Variants in TIMD4 observed in about 807,000 individuals in gnomAD.
TIMD4 encodes the protein T-cell immunoglobulin and mucin domain-containing protein 4.
In TIMD4, 31 loss-of-function variants were observed where a neutral mutation model predicts 41.2. The observed-to-expected ratio is 0.75, with a 90% CI of 0.57 to 1.01. The LOEUF is 1.01. TIMD4 is among the 50% of genes least tolerant of loss of function. TIMD4 has a pLI of 0.00. For synonymous variants in TIMD4, 204 were observed against 177.1 expected, an observed-to-expected ratio of 1.15 and a Z score of -1.21; for missense variants, 479 against 472.5, an observed-to-expected ratio of 1.01 and a Z score of -0.13.
At position 156,954,732 on chromosome 5, in the gene TIMD4, A is replaced by G. The variant is rs773584689; in HGVS notation, c.83T>C (p.Val28Ala). Residue 28 changes from valine to alanine, a missense_variant, in exon 2 of 9, where the codon GTG becomes GCG. Transcript: ENST00000274532. The part of the protein sequence containing the change: ...YLTPVTSETV[V>A]TEVLGHRVTL... ...CACCCGGTGACCCAAAACCTCCGTC[A>G]CAACAGTCTCTGAAGTGACTGGTGC... The G allele has an allele frequency of 3.1e-6, 5 of 1,613,038 alleles. No homozygotes were observed. The highest frequency in any genetic ancestry group is 4.2e-6 in the Non-Finnish European group (5 of 1,179,250).
intron 2 of TIMD4, among the ~76,000 whole-genome samples, chr5:156,952,528 C>G (rs867610063): frequency 6.6e-6 from 1 of 152,106 alleles, no homozygotes; most frequent in African/African-American, 2.4e-5. Flanking sequence ...GCAACCTTCC[C>G]GCTGCACGAA....
At chr5:156,938,062 C>A (rs1007044594) in intron 5 of TIMD4, among the ~76,000 whole-genome samples, 2 of 152,178 alleles carry the variant, frequency 1.3e-5, no homozygotes, top group Admixed American at 6.5e-5. Context: ...CTTTTCCATG[C>A]CCTTGATCAG....
At chr5:156,959,134 T>C (rs909933127) in intron 1 of TIMD4, among the ~76,000 whole-genome samples, 1 of 152,192 alleles carries the variant, frequency 6.6e-6, no homozygotes, top group Non-Finnish European at 1.5e-5. Flanking sequence ...TTTGGCTTTA[T>C]AACATTTTAA....
intron 1 of TIMD4, among the ~76,000 whole-genome samples, chr5:156,959,759 G>T (rs1760044053): frequency 6.6e-6 from 1 of 152,156 alleles, no homozygotes; most frequent in Non-Finnish European, 1.5e-5. Flanking sequence ...GCACATATAG[G>T]CCGGGTGTGG....
chr5:156,931,492 A>G (rs1285447253), intron 5 of TIMD4, among the ~76,000 whole-genome samples: 3 of 152,238 alleles, frequency 2.0e-5, no homozygotes, highest in Non-Finnish European at 4.4e-5. Context: ...TAACAAAACA[A>G]TCTTAACATT....
At chr5:156,939,316 T>C (rs1581620094) in intron 5 of TIMD4, among the ~76,000 whole-genome samples, 2 of 152,164 alleles carry the variant, frequency 1.3e-5, no homozygotes, top group South Asian at 4.1e-4. Flanking sequence ...AATGAGACAA[T>C]GCACTAGACA....
intron 5 of TIMD4, among the ~76,000 whole-genome samples, chr5:156,940,324 C>T (rs112043644): frequency 0.038 from 5,768 of 152,310 alleles, 364 homozygotes; most frequent in African/African-American, 0.13. Flanking sequence ...ACCTCCCAGC[C>T]GCCTGCCTTG....
intron 5 of TIMD4, among the ~76,000 whole-genome samples, chr5:156,942,633 G>T (rs978886479): frequency 4.6e-5 from 7 of 152,170 alleles, no homozygotes; most frequent in African/African-American, 1.7e-4. Context: ...ACTAAGTAGG[G>T]CTTCTTTGGT....
chr5:156,923,426 G>T lies in TIMD4; in HGVS notation c.895-1210C>A, dbSNP rs563841457. Among the ~76,000 whole-genome samples, 7 of 151,754 alleles carry T rather than the reference G, an allele frequency of 4.6e-5. No homozygotes were observed. In the South Asian group the frequency reaches 1.5e-3, roughly 32 times the overall value. The stretch of plus-strand genomic sequence containing the variant: ...AGCCTCCCAAAGTGCTGGGATTATA[G>T]GCATGAGCCACTGCACCCGGCCTAA... On this transcript the variant is annotated intron_variant, in intron 6 of 8. Transcript: ENST00000274532.
chr5:156,961,860 TG>T (rs1753068888), intron 1 of TIMD4, among the ~76,000 whole-genome samples: 3 of 102,914 alleles, frequency 2.9e-5, no homozygotes, highest in African/African-American at 1.0e-4. Context: ...AAAGAAAATG[TG>T]GTATATAAAC....
intron 4 of TIMD4, among the ~76,000 whole-genome samples, chr5:156,949,403 T>A (rs1345538304): frequency 6.8e-6 from 1 of 146,636 alleles, no homozygotes; most frequent in Non-Finnish European, 1.5e-5. Flanking sequence ...AGAAGGGTCT[T>A]CCTTTTCCCT....
chr5:156,926,138 A>C, intron 6 of TIMD4, 125 bp downstream of exon 6: 2 of 901,686 alleles, frequency 2.2e-6, no homozygotes, highest in East Asian at 3.0e-5. Flanking sequence ...TTCTGGCATC[A>C]AGTGATCTGC....
chr5:156,942,913 G>A (rs563104564), intron 5 of TIMD4, among the ~76,000 whole-genome samples: 1 of 152,276 alleles, frequency 6.6e-6, no homozygotes, highest in South Asian at 2.1e-4. Flanking sequence ...ATAATTGAGA[G>A]TTCTACATAG....
rs1378753359 is a variant in TIMD4, at chr5:156,951,192, T to C, written c.679+320A>G. Among the ~76,000 whole-genome samples the C allele has an allele frequency of 2.0e-5, 3 of 152,090 alleles. No individual in the cohort carries two copies. The East Asian group carries it at 5.8e-4, about 29-fold the overall frequency. On this transcript the variant is annotated intron_variant, in intron 3 of 8. Transcript: ENST00000274532. The stretch of plus-strand genomic sequence containing the variant: ...TCAATGGACCCTAATCCAATACAAC[T>C]GGTATTCTTACAAGAGATTAGGACA...
intron 4 of TIMD4, among the ~76,000 whole-genome samples, 184 bp from the exon 5 acceptor site, chr5:156,948,683 G>A (rs1373542361): frequency 1.3e-5 from 2 of 152,208 alleles, no homozygotes; most frequent in Non-Finnish European, 2.9e-5. Flanking sequence ...TTAGAAAGGT[G>A]TAAACACAGG....
intron 8 of TIMD4, among the ~76,000 whole-genome samples, chr5:156,920,093 A>C (rs1759205683): frequency 6.6e-6 from 1 of 152,208 alleles, no homozygotes; most frequent in Admixed American, 6.5e-5. Flanking sequence ...AATATTCTAC[A>C]TGCTTTTTTC....
chr5:156,921,644 A>AAAG (rs1561542989), intron 7 of TIMD4, among the ~76,000 whole-genome samples: 64 of 139,848 alleles, frequency 4.6e-4, no homozygotes, highest in African/African-American at 1.6e-3. Flanking sequence ...AAAAAAAAAA[A>AAAG]AAGAAGAAGA....
chr5:156,944,495 CTT>C (rs5872492), intron 5 of TIMD4, among the ~76,000 whole-genome samples: 913 of 69,152 alleles, frequency 0.013, 10 homozygotes, highest in African/African-American at 0.046. Context: ...GCTGTGTGAT[CTT>C]TTTTTTTTTT....
Position 156,957,512 on chromosome 5 carries a change from C to CAA in TIMD4, c.59-2758_59-2757dup, listed in dbSNP as rs3068101. 1.1e-3 allele frequency among the ~76,000 whole-genome samples: 123 copies of CAA among 113,852 alleles called. 4 individuals are homozygous for CAA. The South Asian group carries it at 0.013, about 12-fold the overall frequency. The allele number at this position is 113,852 out of a possible 152,430, so 74.7% of individuals were successfully genotyped here. A position where few individuals can be genotyped will look rare whatever the true frequency, so the allele number is the denominator to read the frequency against. On this transcript the variant is annotated intron_variant, in intron 1 of 8. Transcript: ENST00000274532. ...TGGGTGACAGAGCGAGAGTCTATCT[C>CAA]AAAAAAAAAAAAGAAAAAAGAAAAA...
Sources: allele counts gnomAD v4.1 joint callset (sites outside exome capture counted in the v4.1 genomes callset), GRCh38; gene constraint gnomAD v4.1.1; transcripts MANE v1.5; gene names NCBI Gene and HGNC (gene_info 2026-07-23, HGNC 2026-07-21).